Variants in SERPINF1 observed in about 807,000 individuals in gnomAD.
The protein encoded by SERPINF1 is serpin family F member 1, also known as pigment epithelium-derived factor.
A neutral mutation model predicts 37.3 loss-of-function variants in SERPINF1; 29 were observed. The observed-to-expected ratio is 0.78, with a 90% CI of 0.58 to 1.06. SERPINF1 has a LOEUF of 1.06. Ranked by LOEUF, SERPINF1 falls within the 50% of genes least tolerant of loss-of-function variation. SERPINF1 has a pLI of 0.00. For missense variants in SERPINF1, 553 were observed against 532.2 expected (o/e 1.04, Z -0.38); for synonymous variants, 281 against 227.9 (o/e 1.23, Z -2.10).
chr17:1,771,767 A>T (rs1009716110), intron 4 of SERPINF1, 105 bp from the exon 5 acceptor site: 2 of 1,087,720 alleles, frequency 1.8e-6, no homozygotes, highest in Non-Finnish European at 2.7e-6. Context: ...CTGGGAAGTC[A>T]GGGCCTGCTG....
Position 1,777,187 on chromosome 17 carries a change from A to C in SERPINF1, c.998A>C (p.Lys333Thr). The C allele has an allele frequency of 6.2e-7, 1 of 1,614,036 alleles. No individual in the cohort carries two copies. The highest frequency in any genetic ancestry group is 2.2e-5 in the East Asian group (1 of 44,848). ...GEVTKSLQEM[K>T]LQSLFDSPDF... The stretch of plus-strand genomic sequence containing the variant: ...CGGAAATCTCTCTCCATCTCTACAG[A>C]GCTGCAATCCTTGTTTGATTCACCA... Residue 333 changes from lysine to threonine, a missense_variant and splice_region_variant, in exon 8 of 8, where the codon AAG becomes ACG. By Grantham distance (78) the Lys-to-Thr change is moderately conservative. Transcript: ENST00000254722.
intron 5 of SERPINF1, among the ~76,000 whole-genome samples, chr17:1,772,976 C>T (rs1402682806): frequency 6.6e-6 from 1 of 152,100 alleles, no homozygotes; most frequent in African/African-American, 2.4e-5. Flanking sequence ...TCCAACTTTC[C>T]ACTTCTTGTT....
intron 5 of SERPINF1, 88 bp from the exon 6 acceptor site, chr17:1,774,970 T>G: frequency 6.3e-7 from 1 of 1,583,072 alleles, no homozygotes; most frequent in Non-Finnish European, 8.7e-7. Flanking sequence ...GTGGGGCAAT[T>G]TTCAACAACG....
chr17:1,772,823 G>A (rs1169093873), intron 5 of SERPINF1, among the ~76,000 whole-genome samples: 1 of 151,906 alleles, frequency 6.6e-6, no homozygotes, highest in East Asian at 1.9e-4. Context: ...TGGGATTACA[G>A]GCGTGAGCCA....
chr17:1,765,018 A>G (rs766358385), intron 1 of SERPINF1, among the ~76,000 whole-genome samples: 4 of 147,904 alleles, frequency 2.7e-5, no homozygotes, highest in African/African-American at 7.5e-5. Flanking sequence ...TAATTTTTGT[A>G]TTTTTAGTAG....
chr17:1,776,091 G>T (rs566018573), intron 6 of SERPINF1, among the ~76,000 whole-genome samples: 1 of 152,298 alleles, frequency 6.6e-6, no homozygotes, highest in South Asian at 2.1e-4. Context: ...TTTTGCTCTT[G>T]GTGGGTGGAT....
Position 1,767,758 on chromosome 17 carries a change from G to T in SERPINF1, c.84+764G>T, listed in dbSNP as rs79617487. ...TGAATTCTGCGTCTCCCTCTTCCTA[G>T]CTTTGTGACCCTAGACAACCCTTAC... On this transcript the variant is annotated intron_variant, in intron 2 of 7. Transcript: ENST00000254722. Among the ~76,000 whole-genome samples the T allele has an allele frequency of 1.4e-3, 211 of 152,298 alleles. 1 individual carries two copies. The highest frequency in any genetic ancestry group is 5.0e-3 in the African/African-American group (207 of 41,570).
At position 1,765,366 on chromosome 17, in the gene SERPINF1, C is replaced by G. The variant is rs576828659; in HGVS notation, c.-8-1537C>G. Among the ~76,000 whole-genome samples the G allele has an allele frequency of 1.8e-3, 275 of 151,876 alleles. 5 individuals are homozygous for G. The highest frequency in any genetic ancestry group is 3.5e-4 in the Non-Finnish European group (24 of 67,958). ...TGAGACTAAGTCTTGCTCTGTTGCCCAGGCTGGAGTGCAGTGGCATAATCG... is the reference window on the plus strand; with the variant it reads ...TGAGACTAAGTCTTGCTCTGTTGCCGAGGCTGGAGTGCAGTGGCATAATCG... On this transcript the variant is annotated intron_variant, in intron 1 of 7. Coordinates refer to ENST00000254722, the MANE Select transcript of SERPINF1 (RefSeq NM_002615.7).
At chr17:1,767,941 C>T (rs1220113164) in intron 2 of SERPINF1, among the ~76,000 whole-genome samples, 2 of 152,216 alleles carry the variant, frequency 1.3e-5, no homozygotes, top group Non-Finnish European at 2.9e-5. Context: ...CGGTGGCTCA[C>T]ACCTGTAATC....
intron 2 of SERPINF1, among the ~76,000 whole-genome samples, chr17:1,769,477 G>A (rs1322139336): frequency 1.3e-5 from 2 of 152,000 alleles, no homozygotes; most frequent in East Asian, 1.9e-4. Flanking sequence ...CTGGCCATGA[G>A]GCCAGGCGCA....
intron 6 of SERPINF1, among the ~76,000 whole-genome samples, 183 bp downstream of exon 6, chr17:1,775,383 C>T (rs117488708): frequency 3.3e-5 from 5 of 152,188 alleles, no homozygotes; most frequent in East Asian, 1.9e-4. Context: ...GGCAGGGGAT[C>T]GTTACCAACA....
intron 2 of SERPINF1, among the ~76,000 whole-genome samples, chr17:1,769,043 G>A (rs1007820378): frequency 4.6e-5 from 7 of 151,370 alleles, no homozygotes; most frequent in Non-Finnish European, 1.0e-4. Flanking sequence ...CTGACCTCAA[G>A]TGATTCACCC....
intron 2 of SERPINF1, among the ~76,000 whole-genome samples, chr17:1,768,279 A>G (rs1907505719): frequency 6.6e-6 from 1 of 151,592 alleles, no homozygotes; most frequent in Admixed American, 6.6e-5. Context: ...AAAATACAAA[A>G]AATTAGCTGG....
Position 1,769,857 on chromosome 17 carries a change from C to T in SERPINF1, c.90C>T (p.Ser30=), listed in dbSNP as rs772626785. The T allele has an allele frequency of 3.7e-6, 6 of 1,614,230 alleles. No individual in the cohort carries two copies. The South Asian group carries it at 4.4e-5, about 12-fold the overall frequency. ...GACTTCCTGTCTCCTGCCAGGGCTC[C>T]CCAGACCCCGACAGCACAGGGGCGC... The part of the protein sequence containing the change: ...QNPASPPEEG[S]PDPDSTGALV... Residue 30 remains serine, a synonymous_variant, in exon 3 of 8, where the codon TCC becomes TCT. Coordinates refer to ENST00000254722, the MANE Select transcript of SERPINF1 (RefSeq NM_002615.7).
intron 7 of SERPINF1, 49 bp downstream of exon 7, chr17:1,776,791 G>C (rs1381358311): frequency 6.4e-7 from 1 of 1,563,692 alleles, no homozygotes; most frequent in East Asian, 2.2e-5. Flanking sequence ...GGGTGGGGCA[G>C]GGTCTTTGGG....
At chr17:1,775,223 T>C (rs761261089) in intron 6 of SERPINF1, 23 bp downstream of exon 6, 1 of 1,568,492 alleles carries the variant, frequency 6.4e-7, no homozygotes, top group East Asian at 2.3e-5. Context: ...AGGGGCAGGG[T>C]GGGGGGTGGA....
Position 1,766,921 on chromosome 17 carries a change from TG to T in SERPINF1, c.13del (p.Val5CysfsTer47), listed in dbSNP as rs1349725356. On this transcript the variant is annotated frameshift_variant, in exon 2 of 8. Transcript: ENST00000254722. LOFTEE classifies it high-confidence loss of function. MQA[L>X]VLLLCIGALL... is the part of the protein sequence containing the mutation. ...CTTGCAGGCCCCAGGATGCAGGCCC[TG>T]GTGCTACTCCTCTGCATTGGAGCCC... 6.4e-7 allele frequency: 1 copy of T among 1,562,520 alleles called. No homozygotes were observed. Among genetic ancestry groups the T allele is most frequent in the Non-Finnish European group, 8.7e-7 (1 of 1,153,272 alleles).
At chr17:1,770,073 C>A in intron 3 of SERPINF1, 23 bp downstream of exon 3, 1 of 1,613,152 alleles carries the variant, frequency 6.2e-7, no homozygotes, top group Non-Finnish European at 8.5e-7. Context: ...ATGCAGGAAG[C>A]CCCAGGCAGA....
intron 5 of SERPINF1, 108 bp from the exon 6 acceptor site, chr17:1,774,950 G>A: frequency 7.1e-7 from 1 of 1,404,508 alleles, no homozygotes; most frequent in Non-Finnish European, 1.0e-6. Flanking sequence ...TGACAGCTAA[G>A]CTCCCTTGAG....
Sources: allele counts gnomAD v4.1 joint callset (sites outside exome capture counted in the v4.1 genomes callset), GRCh38; gene constraint gnomAD v4.1.1; transcripts MANE v1.5; gene names NCBI Gene and HGNC (gene_info 2026-07-23, HGNC 2026-07-21).